SERPINB8: variants seen among roughly 807,000 people sequenced by gnomAD.
SERPINB8 encodes the protein serpin B8.
SERPINB8 carries 25 observed loss-of-function variants against 35.3 expected under a neutral mutation model. That is an observed-to-expected ratio of 0.71 (90% CI 0.52 to 0.99). The LOEUF is 0.99. Among genes scored for constraint, SERPINB8 ranks in the 50% least tolerant of loss-of-function variants. The pLI is 0.00. For synonymous variants in SERPINB8, 186 were observed against 160.8 expected, an observed-to-expected ratio of 1.16 and a Z score of -1.19; for missense variants, 484 against 446.5, an observed-to-expected ratio of 1.08 and a Z score of -0.76.
chr18:63,996,377 C>T (rs983866193), intron 1 of SERPINB8, among the ~76,000 whole-genome samples: 44 of 152,184 alleles, frequency 2.9e-4, no homozygotes, highest in African/African-American at 1.1e-3. Flanking sequence ...CAGTATCTGA[C>T]ATTTTGATTC....
chr18:64,016,616 T>G (rs2050951731), intron 7 of SERPINB8, among the ~76,000 whole-genome samples: 1 of 152,158 alleles, frequency 6.6e-6, no homozygotes, highest in Non-Finnish European at 1.5e-5. Flanking sequence ...GCTAAATGCC[T>G]CCCTTATTTT....
Position 63,987,457 on chromosome 18 carries a change from T to C in SERPINB8, c.*179T>C. The C allele has an allele frequency of 1.5e-6, 1 of 679,394 alleles. No individual in the cohort carries two copies. Among genetic ancestry groups the C allele is most frequent in the African/African-American group, 1.8e-5 (1 of 55,464 alleles). 42.1% of individuals were successfully genotyped at this position (679,394 alleles called of 1,614,324 possible). On this transcript the variant is annotated 3_prime_UTR_variant, in exon 7 of 7. Coordinates refer to ENST00000397985, the MANE Select transcript of SERPINB8 (RefSeq NM_002640.4). ...CATTGAGAATAACTGAGGCCGCAGA[T>C]GCATGAAATTTGGGCCTGGGAAGGC... is the stretch of plus-strand genomic sequence containing the variant.
chr18:63,976,824 T>G (rs1216998874), intron 1 of SERPINB8, among the ~76,000 whole-genome samples: 1 of 152,170 alleles, frequency 6.6e-6, no homozygotes. Flanking sequence ...TCCATGCCTA[T>G]GGACTTTCTT....
chr18:64,001,508 G>T, intron 1 of SERPINB8, among the ~76,000 whole-genome samples: 2 of 91,990 alleles, frequency 2.2e-5, no homozygotes, highest in African/African-American at 4.7e-5. Flanking sequence ...TATTTACTTA[G>T]AGACAGAGTT....
At chr18:63,995,858 A>C (rs2050846563) in intron 1 of SERPINB8, among the ~76,000 whole-genome samples, 1 of 152,232 alleles carries the variant, frequency 6.6e-6, no homozygotes. Flanking sequence ...GAGATGGGAG[A>C]TAAGTCTCAA....
At chr18:63,991,970 G>A (rs143192328), downstream of SERPINB8, among the ~76,000 whole-genome samples, 2,597 of 152,198 alleles carry the variant, frequency 0.017, 42 homozygotes, top group Non-Finnish European at 0.027. Flanking sequence ...ACAATCTTGC[G>A]TTACTGGGAG....
At chr18:63,997,638 G>A (rs760719258) in intron 1 of SERPINB8, among the ~76,000 whole-genome samples, 2 of 152,306 alleles carry the variant, frequency 1.3e-5, no homozygotes, top group Admixed American at 6.5e-5. Flanking sequence ...ATAAAGTATG[G>A]TTGGCTACCC....
chr18:63,987,317 C>T lies in SERPINB8; in HGVS notation c.*39C>T, dbSNP rs754194177. 3 of 1,554,666 alleles carry T rather than the reference C, an allele frequency of 1.9e-6. No homozygotes were observed. In the Admixed American group the frequency reaches 5.8e-5, roughly 30 times the overall value. On this transcript the variant is annotated 3_prime_UTR_variant, in exon 7 of 7. Transcript: ENST00000397985. ...CTGTACATACCCTCCTTTCCTTCTA[C>T]CTATCTTGCCTTAATTAACATTCCC...
intron 6 of SERPINB8, chr18:63,986,366 C>T (rs1023143131): frequency 3.2e-6 from 5 of 1,570,130 alleles, no homozygotes; most frequent in Admixed American, 1.9e-5. Flanking sequence ...TCTCATGCTC[C>T]CTTCTCATGC....
downstream of SERPINB8, among the ~76,000 whole-genome samples, chr18:63,993,748 G>A (rs61547070): frequency 6.6e-6 from 1 of 152,194 alleles, no homozygotes; most frequent in Non-Finnish European, 1.5e-5. Context: ...AAGGCAGGCT[G>A]CATGGGGGAG....
In SERPINB8 at chr18:64,018,801, A is replaced by G. The variant is rs575649066; in HGVS notation, c.*3-109A>G. ...TAGACACACCTTGATATTGAAGTGC[A>G]TATTTTCCTGGTTCTTGCTAAGATC... On this transcript the variant is annotated intron_variant, in intron 7 of 7. Transcript: ENST00000636430. 2.6e-5 allele frequency: 4 copies of G among 152,350 alleles called. No homozygotes were observed. In the East Asian group the frequency reaches 5.8e-4, roughly 22 times the overall value. The allele number at this position is 152,350 out of a possible 1,614,324, so 9.4% of individuals were successfully genotyped here. A position where few individuals can be genotyped will look rare whatever the true frequency, so the allele number is the denominator to read the frequency against.
chr18:63,995,705 G>A (rs2050845926), intron 1 of SERPINB8, among the ~76,000 whole-genome samples: 1 of 152,040 alleles, frequency 6.6e-6, no homozygotes, highest in African/African-American at 2.4e-5. Context: ...CTTTAGAGAG[G>A]AAAAAAATAA....
At chr18:63,998,993 T>G (rs1282004445) in intron 1 of SERPINB8, among the ~76,000 whole-genome samples, 1 of 152,186 alleles carries the variant, frequency 6.6e-6, no homozygotes, top group Non-Finnish European at 1.5e-5. Context: ...ATTCTAAGAA[T>G]GAATTAAGAG....
chr18:64,007,001 C>T (rs2050902939), downstream of SERPINB8, among the ~76,000 whole-genome samples: 1 of 151,416 alleles, frequency 6.6e-6, no homozygotes. Flanking sequence ...TATGAAACAG[C>T]AGACAAACAA....
rs893936123 is a variant in SERPINB8 at position 63,970,154 on chromosome 18, A to G, written c.-27A>G. On this transcript the variant is annotated 5_prime_UTR_variant, in exon 1 of 7. Transcript: ENST00000397985. ...CAGCGGCGGCGGCGGCGGCGGCAGC[A>G]GCAGCAGCAGCAGGAGGTGGGGGCC... The G allele has an allele frequency of 5.8e-4, 184 of 317,608 alleles. No individual in the cohort carries two copies. The highest frequency in any genetic ancestry group is 3.6e-3 in the African/African-American group (150 of 41,956). The allele number at this position is 317,608 out of a possible 1,614,324, so 19.7% of individuals were successfully genotyped here.
At chr18:64,002,459 C>T (rs1027432005) in intron 1 of SERPINB8, among the ~76,000 whole-genome samples, 6 of 152,182 alleles carry the variant, frequency 3.9e-5, no homozygotes, top group African/African-American at 1.4e-4. Context: ...TCTCTTGCCC[C>T]TCCTCCAAAA....
chr18:63,972,940 G>A (rs189668433), intron 1 of SERPINB8, among the ~76,000 whole-genome samples: 37 of 152,238 alleles, frequency 2.4e-4, no homozygotes, highest in South Asian at 2.3e-3. Flanking sequence ...GAATAGTGCC[G>A]CAATAAACAT....
chr18:63,988,315 G>A lies in SERPINB8; in HGVS notation c.*1037G>A, dbSNP rs999008799. ...TAAGATCTTTCCAGGTCATCAATTT[G>A]ATGTGCATAGTATTCCACTGTGTGG... On this transcript the variant is annotated 3_prime_UTR_variant, in exon 7 of 7. Coordinates refer to ENST00000397985, the MANE Select transcript of SERPINB8 (RefSeq NM_002640.4). 2.0e-5 allele frequency: 3 copies of A among 152,128 alleles called. No homozygotes were observed. The highest frequency in any genetic ancestry group is 7.2e-5 in the African/African-American group (3 of 41,418). 9.4% of individuals were successfully genotyped at this position (152,128 alleles called of 1,614,324 possible). A position where few individuals can be genotyped will look rare whatever the true frequency, so the allele number is the denominator to read the frequency against.
chr18:63,986,658 T>C, intron 6 of SERPINB8: 1 of 1,346,046 alleles, frequency 7.4e-7, no homozygotes, highest in Non-Finnish European at 9.5e-7. Flanking sequence ...GTCTCAGGTG[T>C]TTACTAGCTC....
Sources: gnomAD v4.1 joint callset for allele counts (sites outside exome capture counted in the v4.1 genomes callset) on GRCh38, gnomAD v4.1.1 for gene constraint, MANE v1.5 for transcripts, NCBI Gene and HGNC (gene_info 2026-07-23, HGNC 2026-07-21) for gene names.